Variants in CPQ observed in about 807,000 individuals in gnomAD.
CPQ encodes Ser-Met dipeptidase.
In CPQ, 37 loss-of-function variants were observed where a neutral mutation model predicts 45.7. That is an observed-to-expected ratio of 0.81 (90% CI 0.62 to 1.07). CPQ has a LOEUF of 1.07. Among genes scored for constraint, CPQ ranks in the 50% least tolerant of loss-of-function variants. CPQ has a pLI of 0.00. For missense variants in CPQ, 537 were observed against 572.9 expected (o/e 0.94, Z 0.64); for synonymous variants, 186 against 205.8 (o/e 0.90, Z 0.82).
At chr8:96,709,187 AGT>A (rs1166848412) in intron 1 of CPQ, among the ~76,000 whole-genome samples, 1 of 152,088 alleles carries the variant, frequency 6.6e-6, no homozygotes, top group African/African-American at 2.4e-5. Flanking sequence ...CTACGATTCT[AGT>A]GTACCTGTCC....
chr8:96,993,999 A>G (rs1809137016), intron 5 of CPQ, among the ~76,000 whole-genome samples: 1 of 152,146 alleles, frequency 6.6e-6, no homozygotes, highest in South Asian at 2.1e-4. Flanking sequence ...TTAATATCCC[A>G]GGGCCTAACT....
chr8:96,906,642 A>C (rs117990540), intron 4 of CPQ, among the ~76,000 whole-genome samples: 1 of 152,164 alleles, frequency 6.6e-6, no homozygotes, highest in Non-Finnish European at 1.5e-5. Context: ...TAGCTGACTC[A>C]GTGTCTGATG....
intron 5 of CPQ, among the ~76,000 whole-genome samples, chr8:97,000,990 T>A (rs1351434198): frequency 6.6e-6 from 1 of 152,160 alleles, no homozygotes; most frequent in Non-Finnish European, 1.5e-5. Context: ...TATTTTATTC[T>A]TTTTGTGGCA....
intron 3 of CPQ, among the ~76,000 whole-genome samples, chr8:96,842,089 A>C (rs1056453220): frequency 6.6e-6 from 1 of 152,150 alleles, no homozygotes; most frequent in African/African-American, 2.4e-5. Flanking sequence ...AGCTTAAAAC[A>C]CTCAGAGCAG....
chr8:96,689,127 C>T (rs1391690451), intron 1 of CPQ, among the ~76,000 whole-genome samples: 2 of 152,184 alleles, frequency 1.3e-5, no homozygotes, highest in Admixed American at 1.3e-4. Context: ...CATGTTCATG[C>T]TAAAACCAGC....
At chr8:96,787,547 T>TTTTTTTTTTTTTTTTTTG in intron 2 of CPQ, among the ~76,000 whole-genome samples, 1 of 121,256 alleles carries the variant, frequency 8.2e-6, no homozygotes, top group Non-Finnish European at 1.8e-5. Context: ...TTTTTTTTTT[T>TTTTTTTTTTTTTTTTTTG]TTTTTTTTGT....
chr8:97,062,678 A>ATG (rs1563569863), intron 6 of CPQ, among the ~76,000 whole-genome samples: 1 of 151,994 alleles, frequency 6.6e-6, no homozygotes, highest in African/African-American at 2.4e-5. Context: ...CTATCTGTCC[A>ATG]TGTGTTCTCA....
At chr8:96,721,112 A>G (rs1809757749) in intron 1 of CPQ, among the ~76,000 whole-genome samples, 1 of 152,060 alleles carries the variant, frequency 6.6e-6, no homozygotes, top group Non-Finnish European at 1.5e-5. Context: ...ATCTCTCAGC[A>G]ATGTACTTGC....
At chr8:97,061,895 T>A (rs996420954) in intron 6 of CPQ, among the ~76,000 whole-genome samples, 1 of 152,130 alleles carries the variant, frequency 6.6e-6, no homozygotes, top group Non-Finnish European at 1.5e-5. Context: ...ATCATCCCCA[T>A]TACAGCTAAA....
chr8:97,006,832 T>C (rs1809392328), intron 5 of CPQ, among the ~76,000 whole-genome samples: 1 of 152,192 alleles, frequency 6.6e-6, no homozygotes, highest in African/African-American at 2.4e-5. Context: ...GGGGGCCTTT[T>C]GTTACTTGAC....
intron 6 of CPQ, among the ~76,000 whole-genome samples, chr8:97,042,585 C>A (rs1377910828): frequency 6.6e-6 from 1 of 151,154 alleles, no homozygotes; most frequent in Non-Finnish European, 1.5e-5. Flanking sequence ...GTTAGGGTGT[C>A]AATTTTGGAT....
At chr8:96,660,636 GGTGTGT>G (rs71267273) in intron 1 of CPQ, among the ~76,000 whole-genome samples, 5 of 149,046 alleles carry the variant, frequency 3.4e-5, no homozygotes, top group South Asian at 2.2e-4. Flanking sequence ...GAATACATTT[GGTGTGT>G]GTGTGTGTGT....
intron 4 of CPQ, among the ~76,000 whole-genome samples, chr8:96,897,073 T>G (rs763730457): frequency 6.6e-6 from 1 of 152,194 alleles, no homozygotes; most frequent in Non-Finnish European, 1.5e-5. Flanking sequence ...GGCAGTATTA[T>G]CATACTTTGT....
intron 1 of CPQ, among the ~76,000 whole-genome samples, chr8:96,692,905 T>C (rs893160317): frequency 6.6e-6 from 1 of 151,822 alleles, no homozygotes; most frequent in Non-Finnish European, 1.5e-5. Flanking sequence ...TTTCAGAAAA[T>C]TCAAAATAGC....
At chr8:97,013,856 A>G (rs1162531920) in intron 5 of CPQ, among the ~76,000 whole-genome samples, 1 of 152,262 alleles carries the variant, frequency 6.6e-6, no homozygotes, top group Non-Finnish European at 1.5e-5. Flanking sequence ...ATACATTTGT[A>G]TATAGAAAAA....
chr8:96,770,290 C>T (rs1810523887), intron 1 of CPQ, among the ~76,000 whole-genome samples: 1 of 152,132 alleles, frequency 6.6e-6, no homozygotes, highest in South Asian at 2.1e-4. Flanking sequence ...AGGAAGGAAT[C>T]ATTATACCAT....
At position 96,802,390 on chromosome 8, in the gene CPQ, T is replaced by G. The variant is rs144275200; in HGVS notation, c.433+17060T>G. The stretch of plus-strand genomic sequence containing the variant: ...GCTTCATAACAGTAAAGAAACATTT[T>G]GTGATGCATTTCACATTGAAAGTGG... On this transcript the variant is annotated intron_variant, in intron 2 of 7. Transcript: ENST00000220763. Among the ~76,000 whole-genome samples, 256 of 152,308 alleles carry G rather than the reference T, an allele frequency of 1.7e-3. 1 individual carries two copies. Among genetic ancestry groups the G allele is most frequent in the African/African-American group, 5.9e-3 (247 of 41,576 alleles).
chr8:96,696,618 A>G (rs1394657855), intron 1 of CPQ, among the ~76,000 whole-genome samples: 1 of 152,054 alleles, frequency 6.6e-6, no homozygotes, highest in Non-Finnish European at 1.5e-5. Context: ...AAAATTTACA[A>G]ACTTTAGTCA....
intron 2 of CPQ, among the ~76,000 whole-genome samples, chr8:96,828,699 A>G (rs950111807): frequency 3.3e-5 from 5 of 152,096 alleles, no homozygotes; most frequent in Admixed American, 2.0e-4. Flanking sequence ...ACTCACGCAC[A>G]TTAGTCACCT....
Sources: gnomAD v4.1 joint callset for allele counts (sites outside exome capture counted in the v4.1 genomes callset) on GRCh38, gnomAD v4.1.1 for gene constraint, MANE v1.5 for transcripts, NCBI Gene and HGNC (gene_info 2026-07-23, HGNC 2026-07-21) for gene names.